Variants in BCAS3 observed in about 807,000 individuals in gnomAD.
The protein encoded by BCAS3 is BCAS4/BCAS3 fusion.
BCAS3 carries 53 observed loss-of-function variants against 116.1 expected under a neutral mutation model. That is an observed-to-expected ratio of 0.46 (90% confidence interval 0.37 to 0.57). The LOEUF is 0.57. Ranked by LOEUF, BCAS3 falls within the 20% of genes least tolerant of loss-of-function variation. The probability of loss-of-function intolerance (pLI) is 0.00; values close to 1 mark genes in which losing one functional copy is unlikely to be tolerated. For missense variants in BCAS3, 917 were observed against 1,165.4 expected, an observed-to-expected ratio of 0.79 and a Z score of 3.10; for synonymous variants, 391 against 408.2, an observed-to-expected ratio of 0.96 and a Z score of 0.51.
At chr17:60,725,447 A>G (rs1284420746) in intron 5 of BCAS3, among the ~76,000 whole-genome samples, 2 of 152,202 alleles carry the variant, frequency 1.3e-5, no homozygotes, top group Admixed American at 6.5e-5. Flanking sequence ...GTTCGGGTCT[A>G]TGTCAAGTAT....
At chr17:60,854,972 T>TTTTTTTTTC (rs2053536173) in intron 7 of BCAS3, among the ~76,000 whole-genome samples, 1 of 130,622 alleles carries the variant, frequency 7.7e-6, no homozygotes, top group Non-Finnish European at 1.7e-5. Context: ...TTTTTTTTTG[T>TTTTTTTTTC]AGAGTCTTGC....
At chr17:60,699,549 A>G (rs536773058) in intron 4 of BCAS3, among the ~76,000 whole-genome samples, 2 of 152,286 alleles carry the variant, frequency 1.3e-5, no homozygotes, top group African/African-American at 2.4e-5. Flanking sequence ...TCAGGTGTAA[A>G]AATAATTATG....
intron 7 of BCAS3, among the ~76,000 whole-genome samples, chr17:60,820,777 G>C (rs1007654693): frequency 2.6e-5 from 4 of 152,138 alleles, no homozygotes; most frequent in Non-Finnish European, 4.4e-5. Context: ...AAAGACCAGG[G>C]AGTAACACTC....
Position 61,324,560 on chromosome 17 carries a change from G to T in BCAS3, c.2426-43767G>T, listed in dbSNP as rs1053232381. 6.6e-6 allele frequency among the ~76,000 whole-genome samples: 1 copy of T among 152,080 alleles called. No individual in the cohort carries two copies. The highest frequency in any genetic ancestry group is 2.4e-5 in the African/African-American group (1 of 41,440). ...TGTGTTAAAAAATCAAACTGAAATCGCCTCCAAAAGGAAGGCAGCACTGAA... is the reference window on the plus strand; with the variant it reads ...TGTGTTAAAAAATCAAACTGAAATCTCCTCCAAAAGGAAGGCAGCACTGAA... On this transcript the variant is annotated intron_variant, in intron 22 of 23. Coordinates refer to ENST00000407086, the MANE Select transcript of BCAS3 (RefSeq NM_017679.5). The surrounding 1 kb of genome is among the most constrained non-coding windows in gnomAD (Gnocchi z 4.6).
rs1357662435 is a variant in BCAS3, at chr17:61,307,322, A to C, written c.2426-61005A>C. Among the ~76,000 whole-genome samples the C allele has an allele frequency of 6.6e-6, 1 of 152,246 alleles. No homozygotes were observed. Among genetic ancestry groups the C allele is most frequent in the African/African-American group, 2.4e-5 (1 of 41,464 alleles). On this transcript the variant is annotated intron_variant, in intron 22 of 23. Transcript: ENST00000407086. This position sits in a 1 kb window ranked among gnomAD's most constrained non-coding sequence, Gnocchi z 4.7. ...TTTAATTTACTTTTTGGGGAACGAA[A>C]AAAACTACCTGTAATTTTTCCTGTC...
intron 13 of BCAS3, among the ~76,000 whole-genome samples, chr17:60,942,444 A>G (rs967410377): frequency 1.3e-5 from 2 of 152,148 alleles, no homozygotes; most frequent in African/African-American, 4.8e-5. Flanking sequence ...AAAACAAAAC[A>G]AAACAAAACA....
chr17:60,811,005 A>G, intron 7 of BCAS3: 2 of 665,212 alleles, frequency 3.0e-6, no homozygotes, highest in Non-Finnish European at 5.6e-6. Context: ...AGAGCACCAC[A>G]GTGGTCACCA....
chr17:61,170,254 G>A (rs2078759546), intron 22 of BCAS3, among the ~76,000 whole-genome samples: 1 of 151,404 alleles, frequency 6.6e-6, no homozygotes, highest in Non-Finnish European at 1.5e-5. Context: ...GAAACAAACT[G>A]AACAATGATA....
In BCAS3 at chr17:61,381,447, C is replaced by T. The variant is rs1351471690; in HGVS notation, c.2594-10530C>T. ...TCCTTTCCCAGCCGCGGCGTGTGGGCTTGAGACACAGGCTGGGACCCCAAA... is the reference window on the plus strand; with the variant it reads ...TCCTTTCCCAGCCGCGGCGTGTGGGTTTGAGACACAGGCTGGGACCCCAAA... On this transcript the variant is annotated intron_variant, in intron 23 of 23. Transcript: ENST00000407086. This position sits in a 1 kb window ranked among gnomAD's most constrained non-coding sequence, Gnocchi z 6.0. Among the ~76,000 whole-genome samples the T allele has an allele frequency of 6.6e-6, 1 of 152,108 alleles. No homozygotes were observed. The highest frequency in any genetic ancestry group is 1.5e-5 in the Non-Finnish European group (1 of 68,012).
intron 22 of BCAS3, among the ~76,000 whole-genome samples, chr17:61,237,248 G>A (rs1028812554): frequency 6.6e-6 from 1 of 152,140 alleles, no homozygotes; most frequent in Admixed American, 6.5e-5. Context: ...AGCTAGCAAA[G>A]GATTGTAAAA....
intron 5 of BCAS3, among the ~76,000 whole-genome samples, chr17:60,736,908 T>TCCTCCCTTCCTCCCTTCCTC (rs2041035680): frequency 7.8e-6 from 1 of 128,002 alleles, no homozygotes; most frequent in Non-Finnish European, 1.6e-5. Flanking sequence ...CTTCCTCCCT[T>TCCTCCCTTCCTCCCTTCCTC]CCTCCCTTCC....
chr17:61,295,214 C>T (rs767590471), intron 22 of BCAS3, among the ~76,000 whole-genome samples: 3 of 152,154 alleles, frequency 2.0e-5, no homozygotes, highest in Non-Finnish European at 2.9e-5. Flanking sequence ...AATGGTGGGT[C>T]ACAACATCTG....
intron 22 of BCAS3, among the ~76,000 whole-genome samples, chr17:61,294,545 A>G (rs767573930): frequency 1.3e-5 from 2 of 152,200 alleles, no homozygotes; most frequent in Non-Finnish European, 2.9e-5. Context: ...GTCTAGTGCT[A>G]TTTTAACACA....
rs2060050301 is a variant in BCAS3, at chr17:61,390,022, T to G, written c.2594-1955T>G. ...CCCTGCCTGCTCCTTCCTCGGGGGC[T>G]TTCTTCCTTAGGCCTGGCGGCCCGA... On this transcript the variant is annotated intron_variant, in intron 23 of 23. Coordinates refer to ENST00000407086, the MANE Select transcript of BCAS3 (RefSeq NM_017679.5). This position sits in a 1 kb window ranked among gnomAD's most constrained non-coding sequence, Gnocchi z 6.8. 6.6e-6 allele frequency: 1 copy of G among 152,344 alleles called. No homozygotes were observed. Among genetic ancestry groups the G allele is most frequent in the African/African-American group, 2.4e-5 (1 of 41,468 alleles). The allele number at this position is 152,344 out of a possible 1,614,324, so 9.4% of individuals were successfully genotyped here.
chr17:60,705,533 AAAG>A (rs139205433), intron 4 of BCAS3, among the ~76,000 whole-genome samples: 1,780 of 151,406 alleles, frequency 0.012, 74 homozygotes, highest in East Asian at 0.068. Flanking sequence ...AAAAAAAAGA[AAAG>A]AAAATCATGA....
chr17:61,028,174 A>T lies in BCAS3; in HGVS notation c.1638-6492A>T, dbSNP rs1226412868. ...GTTCTTTAAGGTTAATTATTATTTG[A>T]CACAAACTTATTTCAATGTTTATAT... On this transcript the variant is annotated intron_variant, in intron 16 of 23. Coordinates refer to ENST00000407086, the MANE Select transcript of BCAS3 (RefSeq NM_017679.5). The surrounding 1 kb of genome is among the most constrained non-coding windows in gnomAD (Gnocchi z 4.3). 1.3e-5 allele frequency among the ~76,000 whole-genome samples: 2 copies of T among 151,904 alleles called. No homozygotes were observed. The highest frequency in any genetic ancestry group is 2.9e-5 in the Non-Finnish European group (2 of 67,822).
rs1191726372 is a variant in BCAS3 at position 61,056,184 on chromosome 17, G to A, written c.2029+15292G>A. On this transcript the variant is annotated intron_variant, in intron 19 of 23. Transcript: ENST00000407086. The surrounding 1 kb of genome is among the most constrained non-coding windows in gnomAD (Gnocchi z 4.9). The stretch of plus-strand genomic sequence containing the variant: ...CCAAGTGTATAGACAGACTTGGGAA[G>A]AGATGGAGATAGAAATTGATTAGTG... Among the ~76,000 whole-genome samples the A allele has an allele frequency of 2.6e-5, 4 of 152,198 alleles. No homozygotes were observed. The highest frequency in any genetic ancestry group is 7.2e-5 in the African/African-American group (3 of 41,458).
At chr17:61,291,983 A>T (rs2144706937) in intron 22 of BCAS3, among the ~76,000 whole-genome samples, 1 of 152,306 alleles carries the variant, frequency 6.6e-6, no homozygotes, top group African/African-American at 2.4e-5. Context: ...TCAGACCAGC[A>T]TTTAGTGTTT....
intron 22 of BCAS3, among the ~76,000 whole-genome samples, chr17:61,091,920 G>A (rs552178735): frequency 3.9e-5 from 6 of 152,278 alleles, no homozygotes; most frequent in Non-Finnish European, 7.4e-5. Flanking sequence ...AAAAATGCAT[G>A]TTTTAATCAT....
Sources: allele counts gnomAD v4.1 joint callset (sites outside exome capture counted in the v4.1 genomes callset), GRCh38; gene constraint gnomAD v4.1.1; non-coding constraint Gnocchi (gnomAD v3.1); transcripts MANE v1.5; gene names NCBI Gene and HGNC (gene_info 2026-07-23, HGNC 2026-07-21).